Variants in RNASEH2B observed in about 807,000 individuals in gnomAD.
RNASEH2B encodes ribonuclease H2 subunit B, also known as Aicardi-Goutieres syndrome 2 protein.
In RNASEH2B, 36 loss-of-function variants were observed where a neutral mutation model predicts 45.0. That is an observed-to-expected ratio of 0.80 (90% CI 0.61 to 1.06). The LOEUF (loss-of-function observed/expected upper bound fraction) is 1.06. Ranked by LOEUF, RNASEH2B falls within the 50% of genes least tolerant of loss-of-function variation. The pLI, the probability that RNASEH2B is intolerant of heterozygous loss-of-function variation, is 0.00. For synonymous variants in RNASEH2B, 119 were observed against 125.7 expected, an observed-to-expected ratio of 0.95 and a Z score of 0.35; for missense variants, 361 against 360.3, an observed-to-expected ratio of 1.00 and a Z score of -0.02.
intron 1 of RNASEH2B, among the ~76,000 whole-genome samples, chr13:50,926,371 G>T (rs935010252): frequency 2.6e-5 from 4 of 152,030 alleles, no homozygotes; most frequent in Non-Finnish European, 5.9e-5. Context: ...TTGGTAAATT[G>T]TTGCTATGCC....
chr13:50,916,271 A>G (rs909493241), intron 1 of RNASEH2B, among the ~76,000 whole-genome samples: 1 of 151,468 alleles, frequency 6.6e-6, no homozygotes, highest in African/African-American at 2.4e-5. Flanking sequence ...CTTACTACTT[A>G]TTTAATGTAA....
At chr13:50,922,053 C>G (rs899820946) in intron 1 of RNASEH2B, among the ~76,000 whole-genome samples, 1 of 152,212 alleles carries the variant, frequency 6.6e-6, no homozygotes, top group Non-Finnish European at 1.5e-5. Flanking sequence ...TTTCTCACAG[C>G]TCCTTGGAAA....
intron 1 of RNASEH2B, among the ~76,000 whole-genome samples, chr13:50,925,888 G>T (rs1382990618): frequency 6.6e-6 from 1 of 152,148 alleles, no homozygotes; most frequent in Non-Finnish European, 1.5e-5. Flanking sequence ...CTTCAATTCA[G>T]TGAGTCAGCT....
At chr13:50,936,524 G>A (rs1272275805) in intron 5 of RNASEH2B, 1 of 152,170 alleles carries the variant, frequency 6.6e-6, no homozygotes, top group Admixed American at 6.5e-5. Flanking sequence ...TGGTGCCAGG[G>A]TTTTATCAAA....
At chr13:50,925,556 T>A (rs2137918734) in intron 1 of RNASEH2B, among the ~76,000 whole-genome samples, 1 of 152,228 alleles carries the variant, frequency 6.6e-6, no homozygotes, top group East Asian at 1.9e-4. Flanking sequence ...CAGCAAATAG[T>A]TAGGGCTGAC....
At chr13:50,917,059 T>C (rs1378392427) in intron 1 of RNASEH2B, among the ~76,000 whole-genome samples, 1 of 152,174 alleles carries the variant, frequency 6.6e-6, no homozygotes, top group African/African-American at 2.4e-5. Flanking sequence ...CTCCTCTTAG[T>C]TCCAGTTTGA....
intron 5 of RNASEH2B, chr13:50,939,284 G>T (rs1260091429): frequency 6.6e-6 from 1 of 151,648 alleles, no homozygotes; most frequent in Admixed American, 6.6e-5. Context: ...ATGAACCCAG[G>T]AGGCAGAGCT....
At chr13:50,924,915 C>A (rs2137916539) in intron 1 of RNASEH2B, among the ~76,000 whole-genome samples, 1 of 151,910 alleles carries the variant, frequency 6.6e-6, no homozygotes, top group East Asian at 1.9e-4. Context: ...GTTTCTTATG[C>A]TTTGAGTTCA....
chr13:50,970,328 G>A, exon 10 of RNASEH2B: 1 of 473,016 alleles, frequency 2.1e-6, no homozygotes, highest in Admixed American at 4.2e-5. Flanking sequence ...GGCAAACCAA[G>A]TTTCAACCCT....
intron 1 of RNASEH2B, among the ~76,000 whole-genome samples, chr13:50,913,615 C>G (rs151216538): frequency 6.6e-6 from 1 of 152,130 alleles, no homozygotes; most frequent in Non-Finnish European, 1.5e-5. Flanking sequence ...GAAACTGCAC[C>G]TCAACTCGAA....
intron 6 of RNASEH2B, among the ~76,000 whole-genome samples, chr13:50,943,620 C>T (rs538330959): frequency 1.2e-4 from 18 of 152,246 alleles, no homozygotes; most frequent in African/African-American, 3.9e-4. Flanking sequence ...CCTGCATTCT[C>T]GTTTCTCCCT....
chr13:50,909,974 G>A lies in RNASEH2B; in HGVS notation c.-103G>A. On this transcript the variant is annotated 5_prime_UTR_variant, in exon 1 of 11. Coordinates refer to ENST00000336617, the MANE Select transcript of RNASEH2B (RefSeq NM_024570.4). ...CCGGGCGCTGCCGGTCCCTCAGCGC[G>A]CCGCGCCACCCGGAACAGACCCTTC... 4 of 1,044,494 alleles carry A rather than the reference G, an allele frequency of 3.8e-6. No individual in the cohort carries two copies. The highest frequency in any genetic ancestry group is 3.3e-5 in the Admixed American group (1 of 30,470). The allele number at this position is 1,044,494 out of a possible 1,614,324, so 64.7% of individuals were successfully genotyped here.
At chr13:50,954,183 A>G (rs1952014110) in intron 10 of RNASEH2B, 198 bp downstream of exon 10, 3 of 634,524 alleles carry the variant, frequency 4.7e-6, no homozygotes, top group Non-Finnish European at 8.5e-6. Context: ...ATTATTAGTC[A>G]GAGAAAAACA....
chr13:50,925,180 GTATTTTTCA>G (rs1204691914), intron 1 of RNASEH2B, among the ~76,000 whole-genome samples: 1 of 150,364 alleles, frequency 6.7e-6, no homozygotes, highest in South Asian at 2.1e-4. Flanking sequence ...TTTATCCAGT[GTATTTTTCA>G]TCTTTAGAAA....
intron 1 of RNASEH2B, among the ~76,000 whole-genome samples, chr13:50,916,807 A>C (rs1440258681): frequency 6.6e-6 from 1 of 152,186 alleles, no homozygotes; most frequent in Non-Finnish European, 1.5e-5. Flanking sequence ...TGTGTGTTAC[A>C]AAATCAAACA....
Position 50,909,948 on chromosome 13 carries a change from C to A in RNASEH2B, c.-129C>A, listed in dbSNP as rs1444844607. ...ACGAAATTCGGTCCCTGGGCCTCCT[C>A]CCGGGCGCTGCCGGTCCCTCAGCGC... On this transcript the variant is annotated 5_prime_UTR_variant, in exon 1 of 11. Transcript: ENST00000336617. 4.3e-6 allele frequency: 3 copies of A among 690,920 alleles called. No individual in the cohort carries two copies. In the African/African-American group the frequency reaches 5.7e-5, roughly 13 times the overall value. The allele number at this position is 690,920 out of a possible 1,614,324, so 42.8% of individuals were successfully genotyped here. A position where few individuals can be genotyped will look rare whatever the true frequency, so the allele number is the denominator to read the frequency against.
At chr13:50,969,429 T>A (rs1439464032) in intron 9 of RNASEH2B, among the ~76,000 whole-genome samples, 1 of 151,414 alleles carries the variant, frequency 6.6e-6, no homozygotes, top group Non-Finnish European at 1.5e-5. Context: ...TAGGTGCTAC[T>A]ACTTCTATCA....
intron 2 of RNASEH2B, 37 bp downstream of exon 2, chr13:50,927,515 G>C: frequency 7.6e-7 from 1 of 1,318,334 alleles, no homozygotes; most frequent in Non-Finnish European, 1.1e-6. Context: ...GTTCTTAAAT[G>C]TTGTGGCTAA....
At chr13:50,952,941 G>A (rs1180790127) in intron 9 of RNASEH2B, 1 of 152,136 alleles carries the variant, frequency 6.6e-6, no homozygotes, top group Non-Finnish European at 1.5e-5. Context: ...ACCATGGGCT[G>A]TGGAATCTTT....
Sources: allele counts gnomAD v4.1 joint callset (sites outside exome capture counted in the v4.1 genomes callset), GRCh38; gene constraint gnomAD v4.1.1; transcripts MANE v1.5; gene names NCBI Gene and HGNC (gene_info 2026-07-23, HGNC 2026-07-21).